Variants in AGBL4 observed in about 807,000 individuals in gnomAD.
AGBL4 encodes the protein cytosolic carboxypeptidase 6.
AGBL4 carries 58 observed loss-of-function variants against 66.4 expected under a neutral mutation model. That is an observed-to-expected ratio of 0.87 (90% CI 0.71 to 1.09). The LOEUF is 1.09. Ranked by LOEUF, AGBL4 falls within the 50% of genes least tolerant of loss-of-function variation. The pLI is 0.00. For missense variants in AGBL4, 579 were observed against 631.0 expected, an observed-to-expected ratio of 0.92 and a Z score of 0.88; for synonymous variants, 234 against 222.9, an observed-to-expected ratio of 1.05 and a Z score of -0.44.
intron 5 of AGBL4, among the ~76,000 whole-genome samples, chr1:48,987,937 G>T (rs928274154): frequency 6.6e-6 from 1 of 151,922 alleles, no homozygotes; most frequent in African/African-American, 2.4e-5. Context: ...TCTCATGCTG[G>T]GCACTCTTCC....
intron 6 of AGBL4, among the ~76,000 whole-genome samples, chr1:48,681,721 A>G (rs1646458023): frequency 6.6e-6 from 1 of 152,162 alleles, no homozygotes; most frequent in African/African-American, 2.4e-5. Flanking sequence ...CGGTCCAGGG[A>G]CAGGGGCTCT....
chr1:49,158,689 T>C (rs1557688129), intron 4 of AGBL4, among the ~76,000 whole-genome samples: 1 of 151,994 alleles, frequency 6.6e-6, no homozygotes, highest in Non-Finnish European at 1.5e-5. Flanking sequence ...CCACTATTAT[T>C]CTGTGGGAGT....
chr1:48,933,781 G>A (rs923720411), intron 5 of AGBL4, among the ~76,000 whole-genome samples: 2 of 152,196 alleles, frequency 1.3e-5, no homozygotes, highest in Non-Finnish European at 2.9e-5. Context: ...ACATTAACTA[G>A]TATTTATTAT....
At chr1:49,989,046 A>C (rs989152661) in intron 1 of AGBL4, among the ~76,000 whole-genome samples, 9 of 152,174 alleles carry the variant, frequency 5.9e-5, no homozygotes, top group Non-Finnish European at 8.8e-5. Context: ...ATAAGAGAAG[A>C]ATGAGACTCA....
intron 4 of AGBL4, among the ~76,000 whole-genome samples, chr1:49,078,700 C>T (rs1434079491): frequency 1.3e-5 from 2 of 152,166 alleles, no homozygotes; most frequent in Admixed American, 6.5e-5. Flanking sequence ...AGCAGCCTCT[C>T]TACAGCCTCT....
intron 5 of AGBL4, among the ~76,000 whole-genome samples, chr1:49,016,167 A>C (rs1227796870): frequency 1.3e-5 from 2 of 152,130 alleles, no homozygotes; most frequent in African/African-American, 4.8e-5. Flanking sequence ...TTCTGACAAG[A>C]CTTGCCACCT....
At chr1:48,746,777 C>T (rs1185506612) in intron 6 of AGBL4, among the ~76,000 whole-genome samples, 1 of 152,220 alleles carries the variant, frequency 6.6e-6, no homozygotes, top group African/African-American at 2.4e-5. Flanking sequence ...TACCAAAAGC[C>T]ACCATGCAGG....
At chr1:49,319,342 AGGTAT>A (rs1308613663) in intron 3 of AGBL4, among the ~76,000 whole-genome samples, 1 of 152,218 alleles carries the variant, frequency 6.6e-6, no homozygotes, top group Non-Finnish European at 1.5e-5. Context: ...AAATTAAAAT[AGGTAT>A]GGTTGTGAGA....
intron 2 of AGBL4, among the ~76,000 whole-genome samples, chr1:49,725,912 T>C (rs987174624): frequency 2.6e-5 from 4 of 152,034 alleles, no homozygotes; most frequent in Admixed American, 6.6e-5. Flanking sequence ...AGCCACATAT[T>C]TTATACAGGT....
intron 2 of AGBL4, among the ~76,000 whole-genome samples, chr1:49,722,305 A>T (rs541097830): frequency 1.3e-5 from 2 of 152,284 alleles, no homozygotes; most frequent in Admixed American, 6.5e-5. Flanking sequence ...ACTCTCAGAA[A>T]TTATATAAAC....
chr1:49,552,512 C>G (rs1653047227), intron 3 of AGBL4, among the ~76,000 whole-genome samples: 1 of 152,200 alleles, frequency 6.6e-6, no homozygotes, highest in African/African-American at 2.4e-5. Flanking sequence ...TTTCACTCAT[C>G]TCTCTAAATT....
intron 5 of AGBL4, among the ~76,000 whole-genome samples, chr1:48,962,096 C>CCATCCAT (rs1658039698): frequency 6.6e-6 from 1 of 151,032 alleles, no homozygotes; most frequent in African/African-American, 2.5e-5. Context: ...CTTAAAAGAT[C>CCATCCAT]CCATCCATCC....
chr1:49,814,938 G>C (rs1327067682), intron 2 of AGBL4, among the ~76,000 whole-genome samples: 2 of 152,094 alleles, frequency 1.3e-5, no homozygotes, highest in African/African-American at 4.8e-5. Context: ...TGTTTTGATA[G>C]AGACGTGCAA....
intron 1 of AGBL4, among the ~76,000 whole-genome samples, chr1:49,958,060 G>A (rs1303351224): frequency 2.6e-5 from 4 of 152,026 alleles, no homozygotes; most frequent in African/African-American, 9.7e-5. Context: ...GCCTGGTGGT[G>A]ACAAAATCTC....
At chr1:49,654,070 G>T (rs1441719430) in intron 3 of AGBL4, among the ~76,000 whole-genome samples, 1 of 152,142 alleles carries the variant, frequency 6.6e-6, no homozygotes, top group Non-Finnish European at 1.5e-5. Flanking sequence ...AGGGCAGCCA[G>T]AGAGAAAGGC....
chr1:48,744,779 GAAC>G (rs1272770802), intron 6 of AGBL4, among the ~76,000 whole-genome samples: 2 of 152,134 alleles, frequency 1.3e-5, no homozygotes, highest in Non-Finnish European at 2.9e-5. Context: ...ATAAGGCCCA[GAAC>G]AACCAGCCTC....
chr1:49,511,697 G>A (rs1649280033), intron 3 of AGBL4, among the ~76,000 whole-genome samples: 1 of 151,600 alleles, frequency 6.6e-6, no homozygotes, highest in Admixed American at 6.6e-5. Context: ...CTTGGGAGAA[G>A]AAGACTATGA....
intron 4 of AGBL4, among the ~76,000 whole-genome samples, chr1:49,090,761 A>C (rs112910957): frequency 0.028 from 4,192 of 152,284 alleles, 169 homozygotes; most frequent in African/African-American, 0.095. Context: ...TAGAGTCAAA[A>C]AAGAGCTCAA....
intron 5 of AGBL4, among the ~76,000 whole-genome samples, chr1:49,017,195 C>T (rs538532874): frequency 2.8e-4 from 43 of 152,294 alleles, no homozygotes; most frequent in Admixed American, 1.1e-3. Context: ...GTATGTACTA[C>T]GGTTGACATC....
Sources: allele counts gnomAD v4.1 joint callset (sites outside exome capture counted in the v4.1 genomes callset), GRCh38; gene constraint gnomAD v4.1.1; transcripts MANE v1.5; gene names NCBI Gene and HGNC (gene_info 2026-07-23, HGNC 2026-07-21).